Variants in SGCZ observed in about 807,000 individuals in gnomAD.
SGCZ encodes the protein zeta-sarcoglycan.
A neutral mutation model predicts 41.3 loss-of-function variants in SGCZ; 40 were observed. The observed-to-expected ratio is 0.97, with a 90% CI of 0.75 to 1.26. SGCZ has a LOEUF of 1.26. Ranked by LOEUF, SGCZ falls within the 50% of genes most tolerant of loss-of-function variation. SGCZ has a pLI of 0.00. For missense variants in SGCZ, 552 were observed against 369.8 expected (o/e 1.49, Z -4.04); for synonymous variants, 206 against 137.5 (o/e 1.50, Z -3.49).
chr8:14,567,650 G>A (rs1804415003), intron 1 of SGCZ, among the ~76,000 whole-genome samples: 1 of 152,142 alleles, frequency 6.6e-6, no homozygotes, highest in Non-Finnish European at 1.5e-5. Flanking sequence ...AGTGTGGAGG[G>A]TTTGTTCTTT....
chr8:14,607,287 G>C (rs1805782487), intron 1 of SGCZ, among the ~76,000 whole-genome samples: 2 of 152,068 alleles, frequency 1.3e-5, no homozygotes, highest in African/African-American at 2.4e-5. Flanking sequence ...TTGCCAAATT[G>C]TTAATTATCC....
At chr8:14,767,790 A>C (rs34665037) in intron 1 of SGCZ, among the ~76,000 whole-genome samples, 1 of 152,018 alleles carries the variant, frequency 6.6e-6, no homozygotes, top group Non-Finnish European at 1.5e-5. Context: ...TTCTGTGTAA[A>C]GCACTGTGAA....
intron 1 of SGCZ, among the ~76,000 whole-genome samples, chr8:14,942,505 G>A (rs1353714241): frequency 6.6e-6 from 1 of 152,018 alleles, no homozygotes; most frequent in East Asian, 1.9e-4. Flanking sequence ...ATAATCAAAA[G>A]ATTCCTTGGC....
chr8:14,556,234 A>T (rs917120510), intron 1 of SGCZ, among the ~76,000 whole-genome samples: 2 of 151,726 alleles, frequency 1.3e-5, no homozygotes, highest in Non-Finnish European at 2.9e-5. Flanking sequence ...ATAATTGTTC[A>T]TTATTATCTC....
chr8:14,171,123 C>T (rs1229866474), intron 4 of SGCZ, among the ~76,000 whole-genome samples: 2 of 142,780 alleles, frequency 1.4e-5, no homozygotes, highest in Admixed American at 7.3e-5. Context: ...CATCTTGTTA[C>T]TTTTTATTTC....
At chr8:14,426,081 G>C (rs1010314534) in intron 2 of SGCZ, among the ~76,000 whole-genome samples, 8 of 151,958 alleles carry the variant, frequency 5.3e-5, no homozygotes, top group African/African-American at 1.9e-4. Flanking sequence ...CACATTATTT[G>C]TTCCTTCAAC....
chr8:14,997,290 T>C (rs80146715), intron 1 of SGCZ, among the ~76,000 whole-genome samples: 1 of 152,230 alleles, frequency 6.6e-6, no homozygotes, highest in Non-Finnish European at 1.5e-5. Flanking sequence ...TTCTTTGCTA[T>C]GAAACATTAT....
intron 1 of SGCZ, among the ~76,000 whole-genome samples, chr8:14,582,730 T>C (rs1585099211): frequency 6.9e-6 from 1 of 143,970 alleles, no homozygotes; most frequent in Non-Finnish European, 1.5e-5. Flanking sequence ...CATTGTTCAA[T>C]TCCCACCTAT....
rs375996396 is a variant in SGCZ at position 14,363,543 on chromosome 8, T to C, written c.235-39339A>G. ...TTTCTTTTCTTTTCTTCTTCTTTTTTTTTCCCCCAAGCAGCAGTTTACTTT... is the reference window on the plus strand; with the variant it reads ...TTTCTTTTCTTTTCTTCTTCTTTTTCTTTCCCCCAAGCAGCAGTTTACTTT... On this transcript the variant is annotated intron_variant, in intron 2 of 7. Transcript: ENST00000382080. 9.2e-5 allele frequency among the ~76,000 whole-genome samples: 14 copies of C among 152,064 alleles called. 1 individual carries two copies. Among genetic ancestry groups the C allele is most frequent in the East Asian group, 7.7e-4 (4 of 5,188 alleles).
In SGCZ at chr8:14,469,843, T is replaced by C. The variant is rs142846815; in HGVS notation, c.234+84889A>G. Among the ~76,000 whole-genome samples the C allele has an allele frequency of 1.4e-4, 21 of 152,284 alleles. No individual in the cohort carries two copies. In the East Asian group the frequency reaches 3.9e-3, roughly 28 times the overall value. On this transcript the variant is annotated intron_variant, in intron 2 of 7. Coordinates refer to ENST00000382080, the MANE Select transcript of SGCZ (RefSeq NM_139167.4). The stretch of plus-strand genomic sequence containing the variant: ...GAAGAGCTGAACACATGGAGGTTCC[T>C]AGAGAGGGCATGGAAGCTCTGTGCC...
At chr8:14,884,608 G>A (rs1804722361) in intron 1 of SGCZ, among the ~76,000 whole-genome samples, 1 of 151,748 alleles carries the variant, frequency 6.6e-6, no homozygotes, top group Admixed American at 6.6e-5. Flanking sequence ...GGTTTTTAAA[G>A]GTTTCTCTGG....
At chr8:14,350,250 T>C (rs1740952657) in intron 2 of SGCZ, among the ~76,000 whole-genome samples, 1 of 152,044 alleles carries the variant, frequency 6.6e-6, no homozygotes, top group African/African-American at 2.4e-5. Flanking sequence ...AAAACTTTTT[T>C]TTTTTTTACC....
chr8:14,850,504 C>T (rs531287393), intron 1 of SGCZ, among the ~76,000 whole-genome samples: 7 of 152,154 alleles, frequency 4.6e-5, no homozygotes, highest in Admixed American at 3.9e-4. Context: ...GGAATAAGAA[C>T]CAAATATGCT....
At chr8:14,724,774 T>C (rs1809999431) in intron 1 of SGCZ, among the ~76,000 whole-genome samples, 1 of 152,096 alleles carries the variant, frequency 6.6e-6, no homozygotes, top group Non-Finnish European at 1.5e-5. Flanking sequence ...TATAAGCATA[T>C]AATGTTTAAT....
In SGCZ at chr8:14,805,061, C is replaced by A. The variant is rs1412513403; in HGVS notation, c.40-250135G>T. 3.9e-5 allele frequency among the ~76,000 whole-genome samples: 5 copies of A among 129,640 alleles called. No homozygotes were observed. In the South Asian group the frequency reaches 8.7e-4, roughly 23 times the overall value. 85.0% of individuals were successfully genotyped at this position (129,640 alleles called of 152,430 possible). On this transcript the variant is annotated intron_variant, in intron 1 of 7. Transcript: ENST00000382080. Reference sequence around the variant, plus strand: ...TTTTGTCACCACCAGGCCTGCCCTACAAGAGCTCCTGAAGGAAGCGCTAAA... The same window carrying A: ...TTTTGTCACCACCAGGCCTGCCCTAAAAGAGCTCCTGAAGGAAGCGCTAAA...
intron 1 of SGCZ, among the ~76,000 whole-genome samples, chr8:15,008,884 C>T (rs60057807): frequency 0.012 from 1,805 of 151,946 alleles, 25 homozygotes; most frequent in African/African-American, 0.04. Context: ...CTGACAATCA[C>T]ATTTTTTTAT....
chr8:14,150,634 A>C (rs1029766725), intron 5 of SGCZ, among the ~76,000 whole-genome samples: 1 of 152,134 alleles, frequency 6.6e-6, no homozygotes, highest in Non-Finnish European at 1.5e-5. Flanking sequence ...AAACAAAAAA[A>C]ATTGAGCTAC....
chr8:14,579,963 G>C (rs1024159080), intron 1 of SGCZ, among the ~76,000 whole-genome samples: 2 of 152,154 alleles, frequency 1.3e-5, no homozygotes, highest in Non-Finnish European at 2.9e-5. Context: ...TGAGTATTAT[G>C]ATTGTCTGCT....
intron 1 of SGCZ, among the ~76,000 whole-genome samples, chr8:15,194,932 G>T (rs528270323): frequency 1.3e-5 from 2 of 152,148 alleles, no homozygotes; most frequent in African/African-American, 4.8e-5. Context: ...AACACATTGC[G>T]AAAGTATCTA....
Sources: allele counts gnomAD v4.1 joint callset (sites outside exome capture counted in the v4.1 genomes callset), GRCh38; gene constraint gnomAD v4.1.1; transcripts MANE v1.5; gene names NCBI Gene and HGNC (gene_info 2026-07-23, HGNC 2026-07-21).